SNRPD3: variants seen among roughly 807,000 people sequenced by gnomAD.
SNRPD3 encodes small nuclear ribonucleoprotein D3 polypeptide.
For synonymous variants in SNRPD3, 66 were observed against 58.4 expected, an observed-to-expected ratio of 1.13 and a Z score of -0.59; for missense variants, 73 against 167.5, an observed-to-expected ratio of 0.44 and a Z score of 3.11.
intron 2 of SNRPD3, among the ~76,000 whole-genome samples, chr22:24,560,040 T>A (rs1419123878): frequency 1.3e-5 from 2 of 150,032 alleles, no homozygotes; most frequent in Non-Finnish European, 3.0e-5. Flanking sequence ...GCATGTAGGA[T>A]TAGGGCCCAC....
chr22:24,570,891 C>T (rs1569028163), intron 3 of SNRPD3, among the ~76,000 whole-genome samples: 1 of 140,824 alleles, frequency 7.1e-6, no homozygotes, highest in Non-Finnish European at 1.5e-5. Flanking sequence ...TCTCAGCTCA[C>T]TGCCACCTCC....
At chr22:24,559,601 C>T (rs1028978766) in intron 2 of SNRPD3, among the ~76,000 whole-genome samples, 2 of 152,164 alleles carry the variant, frequency 1.3e-5, no homozygotes, top group Admixed American at 6.5e-5. Flanking sequence ...TGGTGTCCGA[C>T]AGACCTGGAA....
chr22:24,571,613 G>A (rs1247334321), intron 3 of SNRPD3, among the ~76,000 whole-genome samples: 1 of 152,014 alleles, frequency 6.6e-6, no homozygotes, highest in Non-Finnish European at 1.5e-5. Flanking sequence ...TGTGGTTCAC[G>A]GCTGTAGTCC....
In SNRPD3 at chr22:24,572,284, C is replaced by T. The variant is rs1286123811; in HGVS notation, c.*307C>T. On this transcript the variant is annotated 3_prime_UTR_variant, in exon 4 of 4. Transcript: ENST00000215829. Reference sequence around the variant, plus strand: ...TTGATGAGATTTTAAGCTGCTGTTCCTGGCCAGTTGCAGGTTAAGCCCCAG... The same window carrying T: ...TTGATGAGATTTTAAGCTGCTGTTCTTGGCCAGTTGCAGGTTAAGCCCCAG... The T allele has an allele frequency of 3.3e-6, 2 of 607,044 alleles. No homozygotes were observed. The highest frequency in any genetic ancestry group is 2.9e-5 in the Admixed American group (1 of 33,932). The allele number at this position is 607,044 out of a possible 1,614,324, so 37.6% of individuals were successfully genotyped here.
In SNRPD3 at chr22:24,571,907, C is replaced by G. The variant is rs201019106; in HGVS notation, c.320-9C>G. ...CTGACCTGGCCTCATATTTTCTCTT[C>G]CCTTTCAGTGGCCGCAAGAGGAAGA... On this transcript the variant is annotated splice_polypyrimidine_tract_variant and intron_variant, in intron 3 of 3. Coordinates refer to ENST00000215829, the MANE Select transcript of SNRPD3 (RefSeq NM_004175.5). 6.6e-5 allele frequency: 106 copies of G among 1,614,098 alleles called. No homozygotes were observed. In the African/African-American group the frequency reaches 1.2e-3, roughly 18 times the overall value.
rs546092349 is a variant in SNRPD3, at chr22:24,574,214, G to T, written c.*2237G>T. 6.6e-6 allele frequency among the ~76,000 whole-genome samples: 1 copy of T among 152,260 alleles called. No homozygotes were observed. Among genetic ancestry groups the T allele is most frequent in the African/African-American group, 2.4e-5 (1 of 41,536 alleles). ...AGCGACTTTTGATGTAGTTCACTCT[G>T]GACCCGTACAGGAACACCAGCCTTG... On this transcript the variant is annotated 3_prime_UTR_variant, in exon 4 of 4. Transcript: ENST00000215829.
intron 1 of SNRPD3, among the ~76,000 whole-genome samples, chr22:24,557,096 T>C (rs2045080561): frequency 6.6e-6 from 1 of 152,244 alleles, no homozygotes; most frequent in African/African-American, 2.4e-5. Flanking sequence ...AGCCACTAGC[T>C]ACATGTGGCC....
intron 2 of SNRPD3, among the ~76,000 whole-genome samples, chr22:24,566,883 T>C (rs1198242079): frequency 1.3e-5 from 2 of 152,192 alleles, no homozygotes; most frequent in Admixed American, 6.5e-5. Context: ...TGTTGCCACA[T>C]TTATCTTTCC....
intron 2 of SNRPD3, among the ~76,000 whole-genome samples, chr22:24,563,317 T>G (rs1468013229): frequency 6.7e-6 from 1 of 149,608 alleles, no homozygotes; most frequent in Non-Finnish European, 1.5e-5. Context: ...TTTTTTTTTT[T>G]AAAGGAAGAA....
intron 2 of SNRPD3, among the ~76,000 whole-genome samples, chr22:24,558,670 A>G (rs776460913): frequency 1.2e-4 from 18 of 152,216 alleles, no homozygotes; most frequent in Non-Finnish European, 1.9e-4. Flanking sequence ...TTTTCAGTCT[A>G]TGGTGCTGGT....
chr22:24,570,216 G>A (rs1461426253), intron 3 of SNRPD3, among the ~76,000 whole-genome samples: 2 of 152,200 alleles, frequency 1.3e-5, no homozygotes, highest in African/African-American at 4.8e-5. Context: ...ATCAGATTAG[G>A]GTCCTGCCTT....
At position 24,573,029 on chromosome 22, in the gene SNRPD3, CCT is replaced by C. The variant is rs2045263075; in HGVS notation, c.*1053_*1054del. ...ACCAGCCCGCGAGACATAGTGAGAC[CCT>C]GTCTCTACAAAAAATTCTAAAAATT... On this transcript the variant is annotated 3_prime_UTR_variant, in exon 4 of 4. Coordinates refer to ENST00000215829, the MANE Select transcript of SNRPD3 (RefSeq NM_004175.5). Among the ~76,000 whole-genome samples, 1 of 151,908 alleles carries C rather than the reference CCT, an allele frequency of 6.6e-6. No individual in the cohort carries two copies. The highest frequency in any genetic ancestry group is 2.4e-5 in the African/African-American group (1 of 41,346).
Position 24,574,162 on chromosome 22 carries a change from G to C in SNRPD3, c.*2185G>C, listed in dbSNP as rs2045270650. Among the ~76,000 whole-genome samples, 1 of 152,118 alleles carries C rather than the reference G, an allele frequency of 6.6e-6. No homozygotes were observed. Among genetic ancestry groups the C allele is most frequent in the Non-Finnish European group, 1.5e-5 (1 of 68,030 alleles). On this transcript the variant is annotated 3_prime_UTR_variant, in exon 4 of 4. Transcript: ENST00000215829. ...GAATAATAACACATTACACTTAATA[G>C]TAGTGAACTGCATCCTCGATATCAA...
intron 3 of SNRPD3, among the ~76,000 whole-genome samples, chr22:24,570,645 T>C (rs2045240731): frequency 6.6e-6 from 1 of 151,746 alleles, no homozygotes; most frequent in Non-Finnish European, 1.5e-5. Context: ...ATCGTGCCAC[T>C]GCACTCCAGC....
intron 2 of SNRPD3, among the ~76,000 whole-genome samples, chr22:24,559,598 C>T (rs553291833): frequency 1.3e-5 from 2 of 152,226 alleles, no homozygotes; most frequent in Admixed American, 6.5e-5. Context: ...CCTTGGTGTC[C>T]GACAGACCTG....
chr22:24,557,088 C>T (rs8139036), intron 1 of SNRPD3, among the ~76,000 whole-genome samples: 141,980 of 152,312 alleles, frequency 0.93, 66,618 homozygotes, highest in Non-Finnish European at 0.99. Flanking sequence ...CATAGGGTAG[C>T]CACTAGCTAC....
chr22:24,570,576 G>A (rs952929239), intron 3 of SNRPD3, among the ~76,000 whole-genome samples: 25 of 151,966 alleles, frequency 1.6e-4, no homozygotes, highest in African/African-American at 5.3e-4. Context: ...CCAGCTACTC[G>A]GGAGGCTGAG....
In SNRPD3 at chr22:24,568,550, A is replaced by AT. The variant is rs771757324; in HGVS notation, c.319+382dup. Among the ~76,000 whole-genome samples, 87 of 146,342 alleles carry AT rather than the reference A, an allele frequency of 5.9e-4. No individual in the cohort carries two copies. The Middle Eastern group carries it at 0.011, about 19-fold the overall frequency. ...TATTTTTATTTTTATTTTATTTTTA[A>AT]TTTTTTTTAATTTTTTTATTTTTTT... On this transcript the variant is annotated intron_variant, in intron 3 of 3. Coordinates refer to ENST00000215829, the MANE Select transcript of SNRPD3 (RefSeq NM_004175.5).
intron 2 of SNRPD3, among the ~76,000 whole-genome samples, chr22:24,558,299 C>T (rs981906173): frequency 7.2e-5 from 11 of 152,196 alleles, no homozygotes. Flanking sequence ...GGGCTCATCA[C>T]TCTGATGATA....
Sources: gnomAD v4.1 joint callset for allele counts (sites outside exome capture counted in the v4.1 genomes callset) on GRCh38, gnomAD v4.1.1 for gene constraint, MANE v1.5 for transcripts, NCBI Gene and HGNC (gene_info 2026-07-23, HGNC 2026-07-21) for gene names.